The following GPR176 variants were observed in gnomAD, a reference collection of about 807,000 sequenced individuals.
GPR176 encodes G protein-coupled receptor 176.
Under a neutral mutation model 35.4 loss-of-function variants are expected in GPR176, and 26 were observed. That is an observed-to-expected ratio of 0.74 (90% confidence interval 0.54 to 1.02). The LOEUF (loss-of-function observed/expected upper bound fraction) is 1.02, where lower values mean the gene tolerates loss of function less well. GPR176 is among the 50% of genes least tolerant of loss of function. The pLI is 0.00. For missense variants in GPR176, 597 were observed against 665.3 expected (o/e 0.90, Z 1.13); for synonymous variants, 278 against 271.3 (o/e 1.02, Z -0.24).
At chr15:39,894,788 CAG>C (rs1256798901) in intron 1 of GPR176, among the ~76,000 whole-genome samples, 5 of 152,088 alleles carry the variant, frequency 3.3e-5, no homozygotes, top group Non-Finnish European at 7.4e-5. Flanking sequence ...GGCGGCCAGG[CAG>C]AGACGCTCCT....
At chr15:39,914,630 G>A (rs1053823112) in intron 1 of GPR176, among the ~76,000 whole-genome samples, 9 of 152,050 alleles carry the variant, frequency 5.9e-5, no homozygotes, top group Non-Finnish European at 7.4e-5. Context: ...TATTCTTAAC[G>A]TAGTCTGCTA....
chr15:39,828,328 C>T, intron 1 of GPR176, among the ~76,000 whole-genome samples: 1 of 152,158 alleles, frequency 6.6e-6, no homozygotes, highest in East Asian at 1.9e-4. Context: ...TGACATGCAT[C>T]TCGTTGACAC....
intron 1 of GPR176, among the ~76,000 whole-genome samples, chr15:39,808,077 T>C (rs376745054): frequency 1.7e-4 from 26 of 152,180 alleles, no homozygotes; most frequent in African/African-American, 5.6e-4. Flanking sequence ...TACCAGGTTT[T>C]ACAGAAGAGC....
intron 1 of GPR176, among the ~76,000 whole-genome samples, chr15:39,825,057 A>G (rs1900536902): frequency 6.6e-6 from 1 of 152,070 alleles, no homozygotes. Context: ...ATAAAGAAAA[A>G]TTATCCAGGC....
intron 1 of GPR176, among the ~76,000 whole-genome samples, chr15:39,886,753 T>A (rs1405141813): frequency 6.6e-6 from 1 of 152,220 alleles, no homozygotes; most frequent in Non-Finnish European, 1.5e-5. Context: ...TGCCTGTAAT[T>A]AATTATGTTC....
chr15:39,828,103 T>A (rs1188872248), intron 1 of GPR176, among the ~76,000 whole-genome samples: 5 of 152,244 alleles, frequency 3.3e-5, no homozygotes, highest in East Asian at 1.9e-4. Context: ...GAAAATGTCA[T>A]CTTTAGGGAT....
intron 1 of GPR176, among the ~76,000 whole-genome samples, chr15:39,879,446 T>C (rs1455104556): frequency 1.3e-5 from 2 of 152,220 alleles, no homozygotes; most frequent in Non-Finnish European, 2.9e-5. Flanking sequence ...CAAAGGTCTA[T>C]TGAAATGTTC....
chr15:39,912,301 A>G (rs562567669), intron 1 of GPR176, among the ~76,000 whole-genome samples: 1 of 152,238 alleles, frequency 6.6e-6, no homozygotes, highest in East Asian at 1.9e-4. Context: ...CCACCCAGCT[A>G]ATGTGGAAAC....
rs760009871 is a variant in GPR176 at position 39,801,901 on chromosome 15, C to T, written c.779G>A (p.Arg260Gln). The change falls in exon 3 of 3, where the codon CGG becomes CAG. Residue 260 changes from arginine (R) to glutamine (Q), a missense_variant. This residue lies in a region of GPR176 where 220 missense variants were observed against 297.6 expected (regional missense o/e 0.74). Transcript: ENST00000561100. ...CAGGGTGGCGTGCAGCTCGGCCTCC[C>T]GCTGGGAGGCATAGGGAATAGAGAT... is the stretch of plus-strand genomic sequence containing the variant. The part of the protein sequence containing the change: ...NTISIPYASQ[R>Q]EAELHATLLS... 37 of 1,613,904 alleles carry T rather than the reference C, an allele frequency of 2.3e-5. No individual in the cohort carries two copies. The highest frequency in any genetic ancestry group is 5.0e-5 in the Admixed American group (3 of 59,990).
chr15:39,885,730 T>C (rs1035712754), intron 1 of GPR176, among the ~76,000 whole-genome samples: 3 of 152,168 alleles, frequency 2.0e-5, no homozygotes, highest in African/African-American at 7.2e-5. Flanking sequence ...TAGAAAATAA[T>C]AGATTGCTGA....
rs996942216 is a variant in GPR176 at position 39,909,707 on chromosome 15, A to G, written c.172+10148T>C. 6.0e-4 allele frequency among the ~76,000 whole-genome samples: 91 copies of G among 152,332 alleles called. 1 individual carries two copies. Among genetic ancestry groups the G allele is most frequent in the African/African-American group, 2.0e-3 (83 of 41,564 alleles). On this transcript the variant is annotated intron_variant, in intron 1 of 2. Transcript: ENST00000561100. ...CTTTTCTTTAAGCTACTGCTTTCCA[A>G]TACAAACAACTTTGTTGTTTCACAA...
chr15:39,866,191 C>A (rs1390976746), intron 1 of GPR176, among the ~76,000 whole-genome samples: 2 of 151,724 alleles, frequency 1.3e-5, no homozygotes, highest in Admixed American at 1.3e-4. Context: ...AAAAGAAATA[C>A]CAGAAAGATA....
intron 1 of GPR176, among the ~76,000 whole-genome samples, chr15:39,850,038 G>A (rs2030745320): frequency 6.6e-6 from 1 of 152,086 alleles, no homozygotes; most frequent in African/African-American, 2.4e-5. Context: ...TAAAAATATG[G>A]TATAAAAGAT....
chr15:39,914,011 A>G (rs2033655790), intron 1 of GPR176, among the ~76,000 whole-genome samples: 1 of 152,192 alleles, frequency 6.6e-6, no homozygotes, highest in South Asian at 2.1e-4. Context: ...GCGCCACCGC[A>G]CTCCAGCCTG....
chr15:39,843,464 C>T (rs923592506), intron 1 of GPR176, among the ~76,000 whole-genome samples: 5 of 152,062 alleles, frequency 3.3e-5, no homozygotes, highest in African/African-American at 9.7e-5. Context: ...TCAAAAGAGG[C>T]CCAGATCAGT....
Position 39,802,210 on chromosome 15 carries a change from G to A in GPR176, c.470C>T (p.Ala157Val). The change falls in exon 3 of 3, where the codon GCC becomes GTC. Residue 157 changes from alanine (A) to valine (V), a missense_variant. By Grantham distance (64) the Ala-to-Val change is moderately conservative (BLOSUM62 0). Transcript: ENST00000561100. ...GTACATCACCAGTTCACGGGACTTG[G>A]CATCAGATATTTTCCTCTCCAGTGG... Reference protein sequence around the residue: ...LYPLERKISDAKSRELVMYIW... With the variant: ...LYPLERKISDVKSRELVMYIW... 6.2e-7 allele frequency: 1 copy of A among 1,613,400 alleles called. No individual in the cohort carries two copies. The highest frequency in any genetic ancestry group is 8.5e-7 in the Non-Finnish European group (1 of 1,179,524).
intron 1 of GPR176, among the ~76,000 whole-genome samples, chr15:39,839,428 T>C (rs895368468): frequency 1.1e-4 from 16 of 152,156 alleles, no homozygotes; most frequent in Admixed American, 3.3e-4. Flanking sequence ...TAGCCATATG[T>C]AGAAAGCTGA....
chr15:39,863,555 G>T (rs1023114838), intron 1 of GPR176, among the ~76,000 whole-genome samples: 3 of 152,106 alleles, frequency 2.0e-5, no homozygotes, highest in Non-Finnish European at 2.9e-5. Context: ...TTAAAAGAAA[G>T]AACATTTCAA....
chr15:39,828,421 T>C (rs1013194752), intron 1 of GPR176, among the ~76,000 whole-genome samples: 1 of 152,204 alleles, frequency 6.6e-6, no homozygotes, highest in African/African-American at 2.4e-5. Context: ...CATTGACTGC[T>C]GCCTGAGGCC....
Sources: gnomAD v4.1 joint callset for allele counts (sites outside exome capture counted in the v4.1 genomes callset) on GRCh38, gnomAD v4.1.1 for gene constraint, gnomAD v4.1.1 regional missense constraint, MANE v1.5 for transcripts, NCBI Gene and HGNC (gene_info 2026-07-23, HGNC 2026-07-21) for gene names.